Variants in TEX35 observed in about 807,000 individuals in gnomAD.
TEX35 encodes testis-expressed protein 35.
TEX35 carries 26 observed loss-of-function variants against 31.9 expected under a neutral mutation model. The observed-to-expected ratio is 0.81, with a 90% CI of 0.60 to 1.13. TEX35 has a LOEUF of 1.13. TEX35 is among the 50% of genes most tolerant of loss of function. TEX35 has a pLI of 0.00. For synonymous variants in TEX35, 87 were observed against 90.7 expected (o/e 0.96, Z 0.23); for missense variants, 278 against 273.5 (o/e 1.02, Z -0.12).
At chr1:178,521,164 C>A in intron 7 of TEX35, 58 bp from the exon 8 acceptor site, 1 of 1,611,488 alleles carries the variant, frequency 6.2e-7, no homozygotes, top group Admixed American at 1.7e-5. Flanking sequence ...GCCTAGCAGG[C>A]TGCCCTTCTT....
downstream of TEX35, chr1:178,522,709 A>T (rs955810804): frequency 4.6e-6 from 5 of 1,094,722 alleles, no homozygotes; most frequent in African/African-American, 8.1e-5. Flanking sequence ...AGGTGTATAT[A>T]TTTATGGGGT....
At chr1:178,520,561 C>T (rs1572177182) in intron 6 of TEX35, 112 bp from the exon 7 acceptor site, 2 of 1,597,620 alleles carry the variant, frequency 1.3e-6, no homozygotes, top group Non-Finnish European at 1.7e-6. Context: ...TCCTACTGCC[C>T]CTGTGACTTG....
intron 8 of TEX35, 73 bp downstream of exon 8, chr1:178,521,337 G>T: frequency 6.4e-7 from 1 of 1,554,308 alleles, no homozygotes; most frequent in Non-Finnish European, 8.9e-7. Flanking sequence ...TGTGCTCCCA[G>T]CCGCATTCAC....
At chr1:178,521,862 T>G in intron 8 of TEX35, 2 of 1,480,774 alleles carry the variant, frequency 1.4e-6, no homozygotes, top group South Asian at 2.8e-5. Context: ...TGTGTGGAGG[T>G]TGATTATTTT....
chr1:178,522,321 A>C lies in TEX35; in HGVS notation c.587-4A>C. The C allele has an allele frequency of 6.3e-7, 1 of 1,588,806 alleles. No individual in the cohort carries two copies. The highest frequency in any genetic ancestry group is 8.6e-7 in the Non-Finnish European group (1 of 1,165,908). On this transcript the variant is annotated splice_polypyrimidine_tract_variant and splice_region_variant and intron_variant, in intron 8 of 8. Transcript: ENST00000319416. ...GTTTCCTCTCCCTCCCTCCACCCCC[A>C]AAGGGAACATTCCTTCAGAGGCCTC...
At chr1:178,514,918 C>A (rs747259491) in intron 3 of TEX35, 150 bp downstream of exon 3, 8 of 672,218 alleles carry the variant, frequency 1.2e-5, no homozygotes, top group East Asian at 1.1e-4. Context: ...AACACACAGA[C>A]AATACTCATC....
Position 178,516,659 on chromosome 1 carries a change from T to G in TEX35, c.261T>G (p.Phe87Leu). 1 of 1,612,362 alleles carries G rather than the reference T, an allele frequency of 6.2e-7. No homozygotes were observed. Among genetic ancestry groups the G allele is most frequent in the Non-Finnish European group, 8.5e-7 (1 of 1,179,206 alleles). ...MDKDFDKLHE[F>L]VEIMKEMQKD... The stretch of plus-strand genomic sequence containing the variant: ...AGGATTTTGATAAACTTCACGAATT[T>G]GTGGAAATTATGAAGGTAAGCATTA... Residue 87 changes from phenylalanine to leucine, a missense_variant, in exon 5 of 9, where the codon TTT becomes TTG. By Grantham distance (22) the Phe-to-Leu change is conservative. Transcript: ENST00000319416.
intron 5 of TEX35, among the ~76,000 whole-genome samples, chr1:178,517,198 G>A (rs138351950): frequency 0.012 from 1,784 of 152,244 alleles, 29 homozygotes; most frequent in African/African-American, 0.04. Flanking sequence ...GTTGTAAGGG[G>A]ACATTAGCCT....
chr1:178,521,159 G>C (rs1650261656), intron 7 of TEX35, 63 bp from the exon 8 acceptor site: 3 of 1,611,322 alleles, frequency 1.9e-6, no homozygotes, highest in South Asian at 2.2e-5. Context: ...AAGGTGCCTA[G>C]CAGGCTGCCC....
At chr1:178,513,445 G>A (rs566920427) in intron 1 of TEX35, among the ~76,000 whole-genome samples, 1 of 152,354 alleles carries the variant, frequency 6.6e-6, no homozygotes, top group African/African-American at 2.4e-5. Context: ...CTCCCTCTGG[G>A]GATGAGGAGC....
chr1:178,521,361 T>A, intron 8 of TEX35, 97 bp downstream of exon 8: 2 of 1,398,686 alleles, frequency 1.4e-6, no homozygotes, highest in Non-Finnish European at 2.0e-6. Flanking sequence ...ACACCCCTCC[T>A]GAGGTTGTGC....
downstream of TEX35, chr1:178,523,350 A>G (rs1007607609): frequency 4.4e-5 from 30 of 686,204 alleles, 1 homozygote; most frequent in Middle Eastern, 3.6e-4. Flanking sequence ...CTCAATTTTT[A>G]GTTTTTTGAG....
At chr1:178,519,569 GTATTT>G (rs769028938) in intron 5 of TEX35, among the ~76,000 whole-genome samples, 76 of 152,256 alleles carry the variant, frequency 5.0e-4, no homozygotes, top group Middle Eastern at 3.4e-3. Context: ...TTTCAAGAAG[GTATTT>G]TATGAAATCA....
At chr1:178,513,376 G>A (rs564481215) in intron 1 of TEX35, 149 bp downstream of exon 1, 2 of 1,055,352 alleles carry the variant, frequency 1.9e-6, no homozygotes, top group Admixed American at 2.0e-5. Flanking sequence ...TCTCAGTCTG[G>A]AAGGGGTGTG....
At chr1:178,520,486 C>T (rs201096376) in intron 6 of TEX35, 50 bp downstream of exon 6, 1 of 1,613,946 alleles carries the variant, frequency 6.2e-7, no homozygotes, top group Admixed American at 1.7e-5. Flanking sequence ...GGTCTCCTCC[C>T]TTCCCTTTGT....
chr1:178,513,770 C>T (rs921247137), intron 1 of TEX35, among the ~76,000 whole-genome samples: 4 of 152,240 alleles, frequency 2.6e-5, no homozygotes, highest in Admixed American at 1.3e-4. Context: ...TCCACGCTGG[C>T]GCCTCCAGCA....
At chr1:178,513,989 T>C in intron 1 of TEX35, 38 bp from the exon 2 acceptor site, 1 of 1,609,580 alleles carries the variant, frequency 6.2e-7, no homozygotes, top group Non-Finnish European at 8.5e-7. Flanking sequence ...CCAATCCTGA[T>C]GTCTGCCAGC....
intron 5 of TEX35, among the ~76,000 whole-genome samples, chr1:178,519,865 G>A (rs745627801): frequency 6.6e-6 from 1 of 152,088 alleles, no homozygotes; most frequent in Non-Finnish European, 1.5e-5. Flanking sequence ...CTTCTGTTCT[G>A]AGCGAATAAT....
intron 1 of TEX35, among the ~76,000 whole-genome samples, chr1:178,513,681 C>T (rs879666285): frequency 1.3e-5 from 2 of 152,250 alleles, no homozygotes; most frequent in Non-Finnish European, 2.9e-5. Flanking sequence ...GACTATAGTG[C>T]AAATCTGCCT....
Sources: gnomAD v4.1 joint callset for allele counts (sites outside exome capture counted in the v4.1 genomes callset) on GRCh38, gnomAD v4.1.1 for gene constraint, MANE v1.5 for transcripts, NCBI Gene and HGNC (gene_info 2026-07-23, HGNC 2026-07-21) for gene names.